The following ACAT1 variants were observed in gnomAD, a reference collection of about 807,000 sequenced individuals.
ACAT1 encodes the protein acetyl-CoA acetyltransferase, mitochondrial.
Under a neutral mutation model 47.3 loss-of-function variants are expected in ACAT1, and 28 were observed. That is an observed-to-expected ratio of 0.59 (90% CI 0.44 to 0.81). The LOEUF (loss-of-function observed/expected upper bound fraction) is 0.81, where lower values mean the gene tolerates loss of function less well. Among genes scored for constraint, ACAT1 ranks in the 30% least tolerant of loss-of-function variants. The probability of loss-of-function intolerance (pLI) is 0.00; values close to 1 mark genes in which losing one functional copy is unlikely to be tolerated. For missense variants in ACAT1, 469 were observed against 524.3 expected (o/e 0.89, Z 1.03); for synonymous variants, 181 against 173.6 (o/e 1.04, Z -0.34).
At chr11:108,126,340 C>A (rs995890092) in intron 1 of ACAT1, among the ~76,000 whole-genome samples, 4 of 152,130 alleles carry the variant, frequency 2.6e-5, no homozygotes, top group Non-Finnish European at 5.9e-5. Flanking sequence ...ACTGCAGAGA[C>A]CTTGAGGTAT....
chr11:108,136,147 A>C, intron 5 of ACAT1: 1 of 644,080 alleles, frequency 1.6e-6, no homozygotes, highest in Non-Finnish European at 2.7e-6. Context: ...AGAAGAATCA[A>C]GATTCTCTCA....
upstream of ACAT1, among the ~76,000 whole-genome samples, chr11:108,118,674 C>T (rs1177896382): frequency 2.0e-5 from 3 of 152,100 alleles, no homozygotes; most frequent in Non-Finnish European, 4.4e-5. Context: ...CCGGCCAAGT[C>T]CTAGATTCTT....
intron 10 of ACAT1, chr11:108,144,299 G>T (rs1202330946): frequency 2.0e-6 from 1 of 512,664 alleles, no homozygotes; most frequent in Non-Finnish European, 3.5e-6. Context: ...TTACTTGTAA[G>T]TATCATACAG....
At chr11:108,146,491 TTC>T in intron 11 of ACAT1, 132 bp downstream of exon 11, 2 of 911,606 alleles carry the variant, frequency 2.2e-6, no homozygotes, top group East Asian at 2.6e-5. Context: ...CAAAAACCAT[TTC>T]TGATAGATGG....
upstream of ACAT1, among the ~76,000 whole-genome samples, chr11:108,118,605 T>G (rs1053730086): frequency 1.2e-4 from 18 of 152,212 alleles, no homozygotes; most frequent in African/African-American, 4.3e-4. Flanking sequence ...CTCCTGACCT[T>G]GTGATCCGCC....
intron 8 of ACAT1, among the ~76,000 whole-genome samples, chr11:108,142,097 T>C (rs2077600269): frequency 6.6e-6 from 1 of 152,218 alleles, no homozygotes; most frequent in Admixed American, 6.5e-5. Context: ...TTGAAAAATA[T>C]GTAGTGAGTA....
At chr11:108,138,537 G>C (rs10789653) in intron 5 of ACAT1, among the ~76,000 whole-genome samples, 151,794 of 152,170 alleles carry the variant, frequency 1, 75,710 homozygotes, top group Middle Eastern at 1. Flanking sequence ...GCTGGGATTA[G>C]AAGTGCCCAC....
At position 108,141,610 on chromosome 11, in the gene ACAT1, C is replaced by T; in HGVS notation, c.736C>T (p.Pro246Ser). 6.2e-7 allele frequency: 1 copy of T among 1,611,082 alleles called. No individual in the cohort carries two copies. The highest frequency in any genetic ancestry group is 8.5e-7 in the Non-Finnish European group (1 of 1,178,214). ...TTAAAATATTTTTATTTTAGGTCAA[C>T]CAGATGTAGTGGTGAAAGAAGATGA... is the stretch of plus-strand genomic sequence containing the variant. ...IPVTVTVKGQ[P>S]DVVVKEDEEY... The change falls in exon 8 of 12, where the codon CCA (proline) becomes TCA (serine). Residue 246 changes from proline (P) to serine (S), a missense_variant. Transcript: ENST00000265838.
At position 108,133,925 on chromosome 11, in the gene ACAT1, A is replaced by G; in HGVS notation, c.226A>G (p.Ile76Val). 1 of 1,614,028 alleles carries G rather than the reference A, an allele frequency of 6.2e-7. No homozygotes were observed. The highest frequency in any genetic ancestry group is 8.5e-7 in the Non-Finnish European group (1 of 1,179,936). The change falls in exon 3 of 12, where the codon ATT becomes GTT. Residue 76 changes from isoleucine to valine, a missense_variant. By Grantham distance (29) the Ile-to-Val change is conservative. Transcript: ENST00000265838. ...KLGSIAIQGAIEKAGIPKEEV... is the reference protein window; with the variant it reads ...KLGSIAIQGAVEKAGIPKEEV... ...TGGTTCCATTGCAATTCAGGGAGCC[A>G]TTGAAAAGGCAGGTCAGTAGTTACT...
intron 9 of ACAT1, chr11:108,143,283 C>CTT (rs768662927): frequency 1.3e-5 from 2 of 151,190 alleles, no homozygotes; most frequent in Non-Finnish European, 3.0e-5. Flanking sequence ...GTCTCTTTTT[C>CTT]TTTTTTTTTA....
upstream of ACAT1, among the ~76,000 whole-genome samples, chr11:108,118,926 A>T (rs55677117): frequency 8.7e-4 from 133 of 152,224 alleles, no homozygotes; most frequent in Admixed American, 2.7e-3. Context: ...ATTACAGCTG[A>T]CTTCTATGTT....
At chr11:108,139,444 T>G (rs532354890) in intron 6 of ACAT1, among the ~76,000 whole-genome samples, 1 of 151,662 alleles carries the variant, frequency 6.6e-6, no homozygotes, top group African/African-American at 2.4e-5. Flanking sequence ...TACAAAAAAA[T>G]TAGCCAGGCG....
At chr11:108,130,426 C>G (rs185422720) in intron 1 of ACAT1, among the ~76,000 whole-genome samples, 3 of 152,110 alleles carry the variant, frequency 2.0e-5, no homozygotes, top group Non-Finnish European at 1.5e-5. Context: ...TTGAGACTCG[C>G]TCTGTCGCCC....
At position 108,131,822 on chromosome 11, in the gene ACAT1, C is replaced by T. The variant is rs1247599731; in HGVS notation, c.73-85C>T. 5.3e-6 allele frequency: 3 copies of T among 568,612 alleles called. No individual in the cohort carries two copies. The African/African-American group carries it at 5.9e-5, about 11-fold the overall frequency. 35.2% of individuals were successfully genotyped at this position (568,612 alleles called of 1,614,324 possible). A position where few individuals can be genotyped will look rare whatever the true frequency, so the allele number is the denominator to read the frequency against. On this transcript the variant is annotated intron_variant, in intron 1 of 11. Coordinates refer to ENST00000265838, the MANE Select transcript of ACAT1 (RefSeq NM_000019.4). ...AAAAGCATAAGGATGCAGGAAGAAA[C>T]CACTATAACCTTATCACTGAGAAAT... is the stretch of plus-strand genomic sequence containing the variant.
intron 5 of ACAT1, among the ~76,000 whole-genome samples, chr11:108,135,738 G>C (rs2077457198): frequency 6.6e-6 from 1 of 152,034 alleles, no homozygotes; most frequent in African/African-American, 2.4e-5. Flanking sequence ...TGAGGCACAA[G>C]AGTCACTTGC....
intron 1 of ACAT1, 52 bp from the exon 2 acceptor site, chr11:108,131,855 G>C: frequency 1.2e-6 from 1 of 834,724 alleles, no homozygotes; most frequent in Non-Finnish European, 1.8e-6. Flanking sequence ...AATATAAAAT[G>C]ATATAGTTTA....
intron 5 of ACAT1, chr11:108,136,095 C>CAA: frequency 1.4e-6 from 1 of 703,384 alleles, no homozygotes; most frequent in South Asian, 1.6e-5. Context: ...GGCTCCTTAG[C>CAA]AAAAATATGC....
chr11:108,144,341 C>A, intron 10 of ACAT1: 2 of 392,292 alleles, frequency 5.1e-6, no homozygotes, highest in Non-Finnish European at 9.3e-6. Flanking sequence ...AACCACAAAG[C>A]GGAGGGAATG....
chr11:108,135,656 C>G (rs189867576), intron 5 of ACAT1, among the ~76,000 whole-genome samples: 6 of 152,034 alleles, frequency 3.9e-5, no homozygotes, highest in African/African-American at 1.2e-4. Flanking sequence ...GGTGAAACCC[C>G]GTCTCTACTA....
Sources: gnomAD v4.1 joint callset for allele counts (sites outside exome capture counted in the v4.1 genomes callset) on GRCh38, gnomAD v4.1.1 for gene constraint, MANE v1.5 for transcripts, NCBI Gene and HGNC (gene_info 2026-07-23, HGNC 2026-07-21) for gene names.